BANK1: variants seen among roughly 807,000 people sequenced by gnomAD.
BANK1 encodes B cell scaffold protein with ankyrin repeats 1.
In BANK1, 95 loss-of-function variants were observed where a neutral mutation model predicts 94.5. That is an observed-to-expected ratio of 1.00 (90% CI 0.85 to 1.19). The LOEUF is 1.19. BANK1 is among the 50% of genes most tolerant of loss of function. The pLI is 0.00. For missense variants in BANK1, 987 were observed against 932.2 expected, an observed-to-expected ratio of 1.06 and a Z score of -0.77; for synonymous variants, 334 against 308.4, an observed-to-expected ratio of 1.08 and a Z score of -0.87.
chr4:102,030,117 T>A lies in BANK1; in HGVS notation c.1752T>A (p.Asp584Glu). Reference protein sequence around the residue: ...EEDPYTFAEIDDSEYDMILAN... With the variant: ...EEDPYTFAEIEDSEYDMILAN... ...ACCCATATACTTTTGCTGAGATTGA[T>A]GACAGTGAATATGACATGATATTGG... The change falls in exon 10 of 17, where the codon GAT becomes GAA. Residue 584 changes from aspartate to glutamate, a missense_variant. By Grantham distance (45) the Asp-to-Glu change is conservative. Coordinates refer to ENST00000322953, the MANE Select transcript of BANK1 (RefSeq NM_017935.5). 6.2e-7 allele frequency: 1 copy of A among 1,613,930 alleles called. No individual in the cohort carries two copies. Among genetic ancestry groups the A allele is most frequent in the Non-Finnish European group, 8.5e-7 (1 of 1,179,970 alleles).
chr4:102,031,771 A>G lies in BANK1; in HGVS notation c.1900+1506A>G, dbSNP rs894788733. 3.3e-5 allele frequency among the ~76,000 whole-genome samples: 5 copies of G among 152,166 alleles called. No individual in the cohort carries two copies. The East Asian group carries it at 7.7e-4, about 23-fold the overall frequency. On this transcript the variant is annotated intron_variant, in intron 10 of 16. Coordinates refer to ENST00000322953, the MANE Select transcript of BANK1 (RefSeq NM_017935.5). Reference sequence around the variant, plus strand: ...CACAGATCCACCTAAGAGAAACATAATTACTCATATATACTTAATATTTTC... The same window carrying G: ...CACAGATCCACCTAAGAGAAACATAGTTACTCATATATACTTAATATTTTC...
At chr4:101,800,318 G>A (rs1004483169) in intron 1 of BANK1, among the ~76,000 whole-genome samples, 19 of 150,908 alleles carry the variant, frequency 1.3e-4, no homozygotes, top group African/African-American at 3.4e-4. Context: ...TTTCTGTCTC[G>A]TATTTTTCAT....
At chr4:101,850,847 C>T (rs1727446679) in intron 2 of BANK1, among the ~76,000 whole-genome samples, 1 of 152,118 alleles carries the variant, frequency 6.6e-6, no homozygotes, top group South Asian at 2.1e-4. Flanking sequence ...CCATACAAGA[C>T]AGTGAATTTA....
chr4:102,029,396 G>GAA (rs201776101), intron 9 of BANK1, among the ~76,000 whole-genome samples: 1 of 146,544 alleles, frequency 6.8e-6, no homozygotes, highest in African/African-American at 2.5e-5. Context: ...AACTTCAAAT[G>GAA]AAAAAAAAAA....
intron 7 of BANK1, among the ~76,000 whole-genome samples, chr4:101,966,235 C>T (rs1388289644): frequency 6.6e-6 from 1 of 152,002 alleles, no homozygotes; most frequent in African/African-American, 2.4e-5. Context: ...ATCTTCCCCT[C>T]CTCTTCCTTC....
intron 10 of BANK1, among the ~76,000 whole-genome samples, chr4:102,037,803 A>G (rs900379913): frequency 6.6e-6 from 1 of 152,200 alleles, no homozygotes; most frequent in Non-Finnish European, 1.5e-5. Context: ...AGTGGCCTGC[A>G]CAGGGTAGCA....
chr4:102,035,647 CAA>C (rs10539905), intron 10 of BANK1, among the ~76,000 whole-genome samples: 8,152 of 124,828 alleles, frequency 0.065, 246 homozygotes, highest in East Asian at 0.16. Flanking sequence ...GACTCCGTCT[CAA>C]AAAAAAAAAA....
At chr4:101,819,790 C>T (rs755192978) in intron 1 of BANK1, among the ~76,000 whole-genome samples, 3 of 152,186 alleles carry the variant, frequency 2.0e-5, no homozygotes, top group Admixed American at 6.5e-5. Flanking sequence ...TTAATGCTAG[C>T]GAAGGGAACA....
At chr4:101,989,905 A>C (rs192258696) in intron 7 of BANK1, among the ~76,000 whole-genome samples, 1 of 152,194 alleles carries the variant, frequency 6.6e-6, no homozygotes, top group Non-Finnish European at 1.5e-5. Flanking sequence ...TCCACTACAC[A>C]GTTGTTCTTA....
intron 5 of BANK1, among the ~76,000 whole-genome samples, chr4:101,889,560 T>TGCAGTCC (rs1721770532): frequency 3.2e-5 from 4 of 125,960 alleles, no homozygotes; most frequent in African/African-American, 1.3e-4. Context: ...ATTGCGCCAC[T>TGCAGTCC]GCAGTCCGCA....
intron 1 of BANK1, among the ~76,000 whole-genome samples, chr4:101,824,110 T>C (rs995570700): frequency 2.6e-5 from 4 of 152,216 alleles, no homozygotes; most frequent in African/African-American, 9.6e-5. Flanking sequence ...AATTGCCCCA[T>C]TGCAGGTTGG....
intron 2 of BANK1, among the ~76,000 whole-genome samples, chr4:101,833,054 A>G (rs931157074): frequency 4.0e-5 from 6 of 151,762 alleles, no homozygotes; most frequent in Non-Finnish European, 8.8e-5. Flanking sequence ...ATCTCAGCTC[A>G]CTGCAACCTC....
At chr4:101,928,804 G>C (rs1723246956) in intron 7 of BANK1, among the ~76,000 whole-genome samples, 1 of 151,590 alleles carries the variant, frequency 6.6e-6, no homozygotes, top group Non-Finnish European at 1.5e-5. Context: ...TAGCATTGTG[G>C]GAGTGGAGAG....
At chr4:101,831,048 A>G (rs552769133) in intron 2 of BANK1, among the ~76,000 whole-genome samples, 1 of 152,276 alleles carries the variant, frequency 6.6e-6, no homozygotes, top group Admixed American at 6.5e-5. Context: ...TAATGCATAT[A>G]GATTCTTACT....
At chr4:101,845,013 C>G (rs115132540) in intron 2 of BANK1, among the ~76,000 whole-genome samples, 2 of 151,790 alleles carry the variant, frequency 1.3e-5, no homozygotes, top group African/African-American at 4.8e-5. Flanking sequence ...AGCTGAGGAT[C>G]GGATATACTT....
At chr4:101,828,159 C>T (rs1578340725) in intron 1 of BANK1, among the ~76,000 whole-genome samples, 1 of 151,132 alleles carries the variant, frequency 6.6e-6, no homozygotes, top group Admixed American at 6.6e-5. Flanking sequence ...GTTTTTTATG[C>T]AAAATATTGA....
chr4:101,925,728 G>A (rs764894343), intron 7 of BANK1, among the ~76,000 whole-genome samples: 2 of 151,622 alleles, frequency 1.3e-5, no homozygotes, highest in Non-Finnish European at 3.0e-5. Flanking sequence ...CTAAGTTTTT[G>A]TAATTTTTAG....
At chr4:102,003,051 G>T (rs1260299369) in intron 7 of BANK1, among the ~76,000 whole-genome samples, 5 of 152,134 alleles carry the variant, frequency 3.3e-5, no homozygotes, top group African/African-American at 1.2e-4. Context: ...GTGAGCTACC[G>T]TGCCCAGCCT....
At chr4:102,040,140 C>T (rs1195998769) in intron 10 of BANK1, among the ~76,000 whole-genome samples, 3 of 152,042 alleles carry the variant, frequency 2.0e-5, no homozygotes, top group South Asian at 2.1e-4. Context: ...AGAATATTCT[C>T]GCAGATGCAG....
Sources: gnomAD v4.1 joint callset for allele counts (sites outside exome capture counted in the v4.1 genomes callset) on GRCh38, gnomAD v4.1.1 for gene constraint, MANE v1.5 for transcripts, NCBI Gene and HGNC (gene_info 2026-07-23, HGNC 2026-07-21) for gene names.